The following SUZ12 variants were observed in gnomAD, a reference collection of about 807,000 sequenced individuals.
SUZ12 encodes polycomb protein SUZ12.
SUZ12 carries 17 observed loss-of-function variants against 87.3 expected under a neutral mutation model. That is an observed-to-expected ratio of 0.19 (90% CI 0.13 to 0.29). The LOEUF (loss-of-function observed/expected upper bound fraction) is 0.29. Ranked by LOEUF, SUZ12 falls within the 10% of genes least tolerant of loss-of-function variation. SUZ12 has a pLI of 1.00. For missense variants in SUZ12, 526 were observed against 912.2 expected (o/e 0.58, Z 5.45); for synonymous variants, 253 against 312.4 (o/e 0.81, Z 2.01).
At chr17:31,949,886 T>C (rs1473897020) in intron 4 of SUZ12, among the ~76,000 whole-genome samples, 3 of 151,878 alleles carry the variant, frequency 2.0e-5, no homozygotes, top group Non-Finnish European at 4.4e-5. Context: ...TTTCACCATG[T>C]TGGCCAGGCT....
intron 4 of SUZ12, among the ~76,000 whole-genome samples, chr17:31,963,353 A>G (rs1225118055): frequency 6.6e-6 from 1 of 151,880 alleles, no homozygotes; most frequent in African/African-American, 2.4e-5. Context: ...CGTGTTAGCA[A>G]GGATGGTTCT....
intron 8 of SUZ12, among the ~76,000 whole-genome samples, chr17:31,977,613 G>A (rs1381356748): frequency 1.3e-5 from 2 of 152,008 alleles, no homozygotes; most frequent in African/African-American, 2.4e-5. Flanking sequence ...AAAGAAGGCC[G>A]GGCGCAGTGG....
At chr17:31,992,823 G>A (rs57415299) in intron 10 of SUZ12, among the ~76,000 whole-genome samples, 7,085 of 151,930 alleles carry the variant, frequency 0.047, 525 homozygotes, top group African/African-American at 0.16. Flanking sequence ...TTCTGCTTCC[G>A]CCTCCTGAGT....
Position 31,999,176 on chromosome 17 carries a change from GCA to G in SUZ12, c.*174_*175del, listed in dbSNP as rs1910135666. On this transcript the variant is annotated 3_prime_UTR_variant, in exon 16 of 16. Transcript: ENST00000322652. The stretch of plus-strand genomic sequence containing the variant: ...GGGTTCTACTTCACTTCATTATGCA[GCA>G]TTACATGTATATCACTTTTATTGAT... 3.7e-5 allele frequency: 18 copies of G among 488,316 alleles called. No homozygotes were observed. Among genetic ancestry groups the G allele is most frequent in the Non-Finnish European group, 6.0e-5 (17 of 282,646 alleles). The allele number at this position is 488,316 out of a possible 1,614,324, so 30.2% of individuals were successfully genotyped here. A position where few individuals can be genotyped will look rare whatever the true frequency, so the allele number is the denominator to read the frequency against.
intron 9 of SUZ12, among the ~76,000 whole-genome samples, chr17:31,985,431 C>CAT (rs755761505): frequency 0.013 from 1,939 of 148,812 alleles, 23 homozygotes; most frequent in African/African-American, 0.031. Flanking sequence ...TAACTGTATA[C>CAT]ATATATATAT....
At chr17:31,963,183 C>T (rs560340114) in intron 4 of SUZ12, among the ~76,000 whole-genome samples, 13 of 152,294 alleles carry the variant, frequency 8.5e-5, no homozygotes, top group South Asian at 2.1e-4. Flanking sequence ...CTTGCTCTGT[C>T]GCCCAGGCTG....
At chr17:31,994,859 A>T in intron 13 of SUZ12, 138 bp downstream of exon 13, 1 of 851,480 alleles carries the variant, frequency 1.2e-6, no homozygotes, top group Non-Finnish European at 1.7e-6. Flanking sequence ...TGGGGTTGTT[A>T]ACTACTTTAT....
chr17:31,993,787 T>G, intron 11 of SUZ12, 78 bp from the exon 12 acceptor site: 1 of 1,401,308 alleles, frequency 7.1e-7, no homozygotes, highest in Non-Finnish European at 9.7e-7. Flanking sequence ...TTTAAACTAT[T>G]TTTAGAAGTG....
intron 11 of SUZ12, among the ~76,000 whole-genome samples, chr17:31,993,650 G>T (rs752823113): frequency 3.9e-5 from 6 of 152,004 alleles, no homozygotes; most frequent in Non-Finnish European, 7.4e-5. Flanking sequence ...TGAGCTCCAA[G>T]CGATACATTT....
intron 4 of SUZ12, among the ~76,000 whole-genome samples, chr17:31,960,799 C>G (rs1598160429): frequency 6.6e-6 from 1 of 152,022 alleles, no homozygotes; most frequent in African/African-American, 2.4e-5. Context: ...GGCTGGTCTC[C>G]AACTCCTGAC....
chr17:31,994,145 C>CT, intron 12 of SUZ12, 137 bp downstream of exon 12: 1 of 802,432 alleles, frequency 1.2e-6, no homozygotes, highest in Non-Finnish European at 1.8e-6. Context: ...GATAGCATGA[C>CT]TTTCAAAAAT....
At chr17:31,946,151 G>A (rs1015274268) in intron 3 of SUZ12, among the ~76,000 whole-genome samples, 2 of 151,942 alleles carry the variant, frequency 1.3e-5, no homozygotes, top group Admixed American at 6.6e-5. Flanking sequence ...AATATAGATT[G>A]TATCAATTCT....
intron 9 of SUZ12, 57 bp from the exon 10 acceptor site, chr17:31,988,263 A>G: frequency 1.4e-6 from 2 of 1,447,104 alleles, no homozygotes; most frequent in Non-Finnish European, 9.2e-7. Flanking sequence ...TAATTTCTAC[A>G]ATTTATTTGA....
chr17:31,998,495 G>A (rs1366024795), intron 15 of SUZ12, among the ~76,000 whole-genome samples, 163 bp from the exon 16 acceptor site: 1 of 152,120 alleles, frequency 6.6e-6, no homozygotes, highest in Non-Finnish European at 1.5e-5. Flanking sequence ...AAAATGGTAA[G>A]CTCATTCAGA....
chr17:31,937,565 A>G lies in SUZ12; in HGVS notation c.274+45A>G, dbSNP rs970968567. The stretch of plus-strand genomic sequence containing the variant: ...TGAGGGCAGGAAGACCCACTCTGCC[A>G]ACACCGGGGATGGGACACTCTGCTG... On this transcript the variant is annotated intron_variant, in intron 1 of 15. Transcript: ENST00000322652. The G allele has an allele frequency of 2.0e-6, 3 of 1,527,698 alleles. No homozygotes were observed. The Admixed American group carries it at 6.0e-5, about 30-fold the overall frequency. The allele number at this position is 1,527,698 out of a possible 1,614,324, so 94.6% of individuals were successfully genotyped here.
intron 4 of SUZ12, among the ~76,000 whole-genome samples, chr17:31,954,550 T>C (rs1181633093): frequency 6.6e-6 from 1 of 151,754 alleles, no homozygotes; most frequent in Non-Finnish European, 1.5e-5. Context: ...GTGAACAAAA[T>C]GGATGAAGGC....
chr17:31,996,991 A>G (rs986589397), intron 15 of SUZ12, 114 bp downstream of exon 15: 7 of 724,402 alleles, frequency 9.7e-6, no homozygotes, highest in Admixed American at 8.5e-5. Context: ...CCATTAATGT[A>G]TATTTGTCCC....
intron 3 of SUZ12, among the ~76,000 whole-genome samples, chr17:31,945,946 A>G (rs1187460321): frequency 6.6e-6 from 1 of 152,118 alleles, no homozygotes; most frequent in Non-Finnish European, 1.5e-5. Context: ...AGCCTAAAAG[A>G]GTCCTTTATT....
chr17:31,963,498 TG>T (rs1277675610), intron 4 of SUZ12, among the ~76,000 whole-genome samples: 1,065 of 116,302 alleles, frequency 9.2e-3, no homozygotes, highest in African/African-American at 0.031. Flanking sequence ...GTATTTTTTT[TG>T]TTTTGTTTTG....
Sources: gnomAD v4.1 joint callset for allele counts (sites outside exome capture counted in the v4.1 genomes callset) on GRCh38, gnomAD v4.1.1 for gene constraint, MANE v1.5 for transcripts, NCBI Gene and HGNC (gene_info 2026-07-23, HGNC 2026-07-21) for gene names.